ENTPD5: variants seen among roughly 807,000 people sequenced by gnomAD.
The protein encoded by ENTPD5 is nucleoside diphosphate phosphatase ENTPD5.
ENTPD5 carries 49 observed loss-of-function variants against 60.2 expected under a neutral mutation model. The observed-to-expected ratio is 0.81, with a 90% CI of 0.65 to 1.03. The LOEUF (loss-of-function observed/expected upper bound fraction) is 1.03, where lower values mean the gene tolerates loss of function less well. Among genes scored for constraint, ENTPD5 ranks in the 50% least tolerant of loss-of-function variants. The pLI is 0.00. For synonymous variants in ENTPD5, 187 were observed against 185.4 expected (o/e 1.01, Z -0.07); for missense variants, 480 against 507.6 (o/e 0.95, Z 0.52).
intron 3 of ENTPD5, among the ~76,000 whole-genome samples, chr14:74,002,954 T>C (rs1010269890): frequency 7.2e-5 from 11 of 152,220 alleles, no homozygotes; most frequent in Non-Finnish European, 1.2e-4. Flanking sequence ...TATTCACTCA[T>C]GCCCCTGCCT....
chr14:74,007,238 A>G (rs62005074), intron 3 of ENTPD5, among the ~76,000 whole-genome samples: 20,045 of 152,072 alleles, frequency 0.13, 1,694 homozygotes, highest in Admixed American at 0.21. Context: ...AAAATTAGGT[A>G]TGGCCGGGCG....
intron 9 of ENTPD5, 69 bp downstream of exon 9, chr14:73,976,255 G>A (rs1370600262): frequency 2.8e-5 from 38 of 1,351,742 alleles, no homozygotes; most frequent in Non-Finnish European, 3.6e-5. Context: ...AAAATGGGGC[G>A]CCTCTTTCTT....
intron 15 of ENTPD5, among the ~76,000 whole-genome samples, chr14:73,968,112 G>A (rs886744501): frequency 1.3e-5 from 2 of 152,034 alleles, no homozygotes; most frequent in Non-Finnish European, 2.9e-5. Context: ...CAACAAGAGC[G>A]AAACTTGGTC....
At chr14:73,985,090 C>T (rs1408888130) in intron 5 of ENTPD5, among the ~76,000 whole-genome samples, 1 of 152,150 alleles carries the variant, frequency 6.6e-6, no homozygotes, top group Non-Finnish European at 1.5e-5. Context: ...TTTATGGCTA[C>T]ATAGTATTCC....
At chr14:73,955,822 A>G, downstream of ENTPD5, 1 of 1,614,182 alleles carries the variant, frequency 6.2e-7, no homozygotes. Flanking sequence ...ACGCCTGCTC[A>G]GAGGCCCTGA....
intron 10 of ENTPD5, 24 bp downstream of exon 10, chr14:73,975,909 ATTC>A (rs757908296): frequency 1.8e-5 from 28 of 1,520,196 alleles, no homozygotes; most frequent in Non-Finnish European, 2.3e-5. Context: ...AACATGAAAT[ATTC>A]TTCTTCCCTG....
chr14:73,955,873 C>T (rs764217594), downstream of ENTPD5: 52 of 1,613,936 alleles, frequency 3.2e-5, no homozygotes, highest in South Asian at 1.9e-4. Context: ...TGGGCTATAT[C>T]GTGGAGAATG....
chr14:73,997,406 T>G (rs905268643), intron 3 of ENTPD5, among the ~76,000 whole-genome samples: 3 of 152,256 alleles, frequency 2.0e-5, no homozygotes, highest in African/African-American at 7.2e-5. Flanking sequence ...GAAAATTGGA[T>G]AGGTGATTAG....
At chr14:73,994,005 A>G (rs952850815) in intron 3 of ENTPD5, among the ~76,000 whole-genome samples, 7 of 152,182 alleles carry the variant, frequency 4.6e-5, no homozygotes, top group African/African-American at 1.7e-4. Flanking sequence ...TAGAGAAAGC[A>G]AAGGATGAAC....
chr14:73,966,837 G>C lies in ENTPD5; in HGVS notation c.*91C>G. The C allele has an allele frequency of 2.1e-6, 2 of 951,408 alleles. No individual in the cohort carries two copies. Among genetic ancestry groups the C allele is most frequent in the Non-Finnish European group, 3.4e-6 (2 of 596,850 alleles). The allele number at this position is 951,408 out of a possible 1,614,324, so 58.9% of individuals were successfully genotyped here. ...ACCTAAATCTCTAGGCTCAAGTCCA[G>C]GATGTCCCCAGACTAGTTCAGAAAC... is the stretch of plus-strand genomic sequence containing the variant. On this transcript the variant is annotated 3_prime_UTR_variant, in exon 16 of 16. Coordinates refer to ENST00000334696, the MANE Select transcript of ENTPD5 (RefSeq NM_001249.5).
intron 3 of ENTPD5, among the ~76,000 whole-genome samples, chr14:73,999,009 G>A (rs953739110): frequency 1.7e-4 from 26 of 152,104 alleles, no homozygotes; most frequent in Admixed American, 7.2e-4. Flanking sequence ...TGTAAGGACT[G>A]CAGTCAGGAG....
In ENTPD5 at chr14:73,964,298, A is replaced by G. The variant is rs1259094202; in HGVS notation, c.*2630T>C. On this transcript the variant is annotated 3_prime_UTR_variant, in exon 16 of 16. Transcript: ENST00000334696. ...TTAACACATCTACAAAGAGGAAACT[A>G]TTAGAATCTGTAGGACCTCTTAAGC... is the stretch of plus-strand genomic sequence containing the variant. 3 of 152,236 alleles carry G rather than the reference A, an allele frequency of 2.0e-5. No homozygotes were observed. The highest frequency in any genetic ancestry group is 6.5e-5 in the Admixed American group (1 of 15,274). The allele number at this position is 152,236 out of a possible 1,614,324, so 9.4% of individuals were successfully genotyped here.
intron 6 of ENTPD5, among the ~76,000 whole-genome samples, chr14:73,980,001 C>T (rs1410508486): frequency 6.9e-6 from 1 of 145,196 alleles, no homozygotes; most frequent in African/African-American, 2.6e-5. Context: ...GGCTGGAGTG[C>T]AATGGCACGA....
chr14:73,963,165 T>A, downstream of ENTPD5: 1 of 711,670 alleles, frequency 1.4e-6, no homozygotes, highest in East Asian at 2.7e-5. Context: ...TAATGAATGA[T>A]AATTTGCTGT....
intron 5 of ENTPD5, among the ~76,000 whole-genome samples, chr14:73,985,583 G>A (rs2057865451): frequency 6.6e-6 from 1 of 152,064 alleles, no homozygotes; most frequent in Non-Finnish European, 1.5e-5. Flanking sequence ...ACTTTTTGAT[G>A]GGGTTGTTTG....
At chr14:73,978,040 G>A (rs956454699) in intron 6 of ENTPD5, among the ~76,000 whole-genome samples, 1 of 152,170 alleles carries the variant, frequency 6.6e-6, no homozygotes, top group African/African-American at 2.4e-5. Context: ...AGGATAGGAA[G>A]AACGCTAGTC....
chr14:73,955,509 G>C (rs778339208), downstream of ENTPD5: 9 of 1,613,690 alleles, frequency 5.6e-6, no homozygotes, highest in Non-Finnish European at 7.6e-6. Flanking sequence ...GGCGAATGCA[G>C]GTGCCCCTTT....
chr14:73,963,023 T>TA (rs1372179807), downstream of ENTPD5: 1 of 1,583,014 alleles, frequency 6.3e-7, no homozygotes, highest in Non-Finnish European at 8.7e-7. Flanking sequence ...AAAGAAAGAT[T>TA]ACGTTGATGA....
At chr14:73,957,364 C>T (rs1284015127), downstream of ENTPD5, among the ~76,000 whole-genome samples, 3 of 152,174 alleles carry the variant, frequency 2.0e-5, no homozygotes, top group Non-Finnish European at 4.4e-5. Flanking sequence ...GGATTACAGG[C>T]GTAAGCCACT....
Sources: allele counts gnomAD v4.1 joint callset (sites outside exome capture counted in the v4.1 genomes callset), GRCh38; gene constraint gnomAD v4.1.1; transcripts MANE v1.5; gene names NCBI Gene and HGNC (gene_info 2026-07-23, HGNC 2026-07-21).